The following SLF2 variants were observed in gnomAD, a reference collection of about 807,000 sequenced individuals.
SLF2 encodes the protein SMC5-SMC6 complex localization factor protein 2.
In SLF2, 68 loss-of-function variants were observed where a neutral mutation model predicts 124.3. The ratio of observed to expected loss-of-function variants is 0.55; its 90% CI spans 0.45 to 0.67. The LOEUF (loss-of-function observed/expected upper bound fraction) is 0.67, where lower values mean the gene tolerates loss of function less well. Ranked by LOEUF, SLF2 falls within the 30% of genes least tolerant of loss-of-function variation. The pLI, the probability that SLF2 is intolerant of heterozygous loss-of-function variation, is 0.00. For synonymous variants in SLF2, 480 were observed against 478.8 expected (o/e 1.00, Z -0.03); for missense variants, 1,246 against 1,373.7 (o/e 0.91, Z 1.47).
intron 17 of SLF2, among the ~76,000 whole-genome samples, chr10:100,950,979 G>A (rs1045355368): frequency 1.3e-5 from 2 of 152,172 alleles, no homozygotes; most frequent in Admixed American, 6.5e-5. Flanking sequence ...CATGGCTCAC[G>A]CCTGTAATCC....
Position 100,918,418 on chromosome 10 carries a change from C to A in SLF2, c.950C>A (p.Ser317Tyr). Reference protein sequence around the residue: ...NGHLSRKRSSSDSWEPTSAGS... With the variant: ...NGHLSRKRSSYDSWEPTSAGS... ...CATCTCTCAAGAAAAAGATCCTCTT[C>A]TGATTCATGGGAACCTACTTCAGGT... The change falls in exon 4 of 20, where the codon TCT becomes TAT. Residue 317 changes from serine (S) to tyrosine (Y), a missense_variant. By Grantham distance (144) the Ser-to-Tyr change is moderately radical. Transcript: ENST00000238961. 6.3e-7 allele frequency: 1 copy of A among 1,595,052 alleles called. No individual in the cohort carries two copies.
rs748080957 is a variant in SLF2 at position 100,924,629 on chromosome 10, G to A, written c.1628G>A (p.Gly543Glu). Residue 543 changes from glycine (G) to glutamate (E), a missense_variant, in exon 5 of 20, where the codon GGA becomes GAA. Physicochemically the swap from Gly to Glu is moderately conservative, Grantham distance 98. This residue lies in a region of SLF2 where 698 missense variants were observed against 708.9 expected (regional missense o/e 0.98). Coordinates refer to ENST00000238961, the MANE Select transcript of SLF2 (RefSeq NM_018121.4). ...GTATCTTCAGGGAAAATTTCTGGGGGACCTTTGCGCTCAGAATATGGCACT... is the reference window on the plus strand; with the variant it reads ...GTATCTTCAGGGAAAATTTCTGGGGAACCTTTGCGCTCAGAATATGGCACT... ...SNVSSGKISG[G>E]PLRSEYGTPT... The A allele has an allele frequency of 6.2e-7, 1 of 1,613,960 alleles. No homozygotes were observed.
At chr10:100,960,803 CTT>C (rs1850412377) in intron 19 of SLF2, among the ~76,000 whole-genome samples, 2 of 151,398 alleles carry the variant, frequency 1.3e-5, no homozygotes, top group Middle Eastern at 6.8e-3. Flanking sequence ...TCTAAGGAGT[CTT>C]TGCCTAAGAG....
At chr10:100,950,270 C>T (rs1589964598) in intron 16 of SLF2, 63 bp downstream of exon 16, 5 of 1,496,252 alleles carry the variant, frequency 3.3e-6, no homozygotes, top group Non-Finnish European at 4.5e-6. Context: ...GCTTACTAAC[C>T]ATAGACTGAT....
intron 19 of SLF2, among the ~76,000 whole-genome samples, chr10:100,960,669 G>A (rs1360897697): frequency 6.6e-6 from 1 of 151,930 alleles, no homozygotes; most frequent in East Asian, 1.9e-4. Context: ...TGAGTTGTAT[G>A]TTCTGGATAC....
chr10:100,930,936 T>C (rs779762286), intron 8 of SLF2, 40 bp from the exon 9 acceptor site: 6 of 1,490,362 alleles, frequency 4.0e-6, no homozygotes, highest in African/African-American at 1.4e-5. Flanking sequence ...TATTTTGCCA[T>C]GAAGTTAATA....
intron 11 of SLF2, 56 bp downstream of exon 11, chr10:100,938,792 T>C: frequency 2.1e-6 from 3 of 1,411,280 alleles, no homozygotes; most frequent in Non-Finnish European, 2.8e-6. Flanking sequence ...GACTTATATA[T>C]AATTATAGCT....
rs1372442699 is a variant in SLF2 at position 100,913,857 on chromosome 10, T to G, written c.140+607T>G. 6 of 985,370 alleles carry G rather than the reference T, an allele frequency of 6.1e-6. No individual in the cohort carries two copies. In the African/African-American group the frequency reaches 1.0e-4, roughly 17 times the overall value. 61.0% of individuals were successfully genotyped at this position (985,370 alleles called of 1,614,324 possible). On this transcript the variant is annotated intron_variant, in intron 1 of 19. Coordinates refer to ENST00000238961, the MANE Select transcript of SLF2 (RefSeq NM_018121.4). ...TGGGGAGTTTCATCTAATGACATCC[T>G]CTGACAATAAAACATGTTTAAATTC... is the stretch of plus-strand genomic sequence containing the variant.
rs927302 is a variant in SLF2 at position 100,963,159 on chromosome 10, G to C, written c.*1247G>C. ...TGAGTGCTCTAGTGTCTCCAGTTGTGGGGGGGAAAGATGATGGAGGGGAAC... is the reference window on the plus strand; with the variant it reads ...TGAGTGCTCTAGTGTCTCCAGTTGTCGGGGGGAAAGATGATGGAGGGGAAC... On this transcript the variant is annotated 3_prime_UTR_variant, in exon 20 of 20. Transcript: ENST00000238961. 40,137 of 152,312 alleles carry C rather than the reference G, an allele frequency of 0.26. 6,017 individuals are homozygous for C. The highest frequency in any genetic ancestry group is 0.55 in the East Asian group (2,816 of 5,166). The allele number at this position is 152,312 out of a possible 1,614,324, so 9.4% of individuals were successfully genotyped here.
At chr10:100,957,706 G>C (rs1277748769) in intron 18 of SLF2, among the ~76,000 whole-genome samples, 2 of 151,864 alleles carry the variant, frequency 1.3e-5, no homozygotes, top group Non-Finnish European at 2.9e-5. Context: ...CTGAGCTCTA[G>C]GGTGGAAATG....
Position 100,942,558 on chromosome 10 carries a change from G to A in SLF2, c.2655-1468G>A, listed in dbSNP as rs965225439. ...GTTTTGCCTTTGAAGTCTTGCTGTC[G>A]CCCAGGCTGGAGTGCAGTGGTGTGA... On this transcript the variant is annotated intron_variant, in intron 11 of 19. Coordinates refer to ENST00000238961, the MANE Select transcript of SLF2 (RefSeq NM_018121.4). Among the ~76,000 whole-genome samples, 12 of 151,736 alleles carry A rather than the reference G, an allele frequency of 7.9e-5. 1 individual carries two copies. Among genetic ancestry groups the A allele is most frequent in the African/African-American group, 2.2e-4 (9 of 41,276 alleles).
intron 5 of SLF2, 53 bp downstream of exon 5, chr10:100,925,025 T>G: frequency 6.6e-7 from 1 of 1,505,758 alleles, no homozygotes; most frequent in East Asian, 2.3e-5. Flanking sequence ...GATGATTAAT[T>G]AGTGAAAGGG....
chr10:100,918,423 T>G lies in SLF2; in HGVS notation c.955T>G (p.Ser319Ala), dbSNP rs532517859. ...HLSRKRSSSD[S>A]WEPTSAGSKQ... ...CTCAAGAAAAAGATCCTCTTCTGAT[T>G]CATGGGAACCTACTTCAGGTAGAAT... Residue 319 changes from serine to alanine, a missense_variant, in exon 4 of 20, where the codon TCA (serine) becomes GCA (alanine). By Grantham distance (99) the Ser-to-Ala change is moderately conservative. This residue lies in a region of SLF2 where 698 missense variants were observed against 708.9 expected (regional missense o/e 0.98). Coordinates refer to ENST00000238961, the MANE Select transcript of SLF2 (RefSeq NM_018121.4). 2 of 1,593,344 alleles carry G rather than the reference T, an allele frequency of 1.3e-6. No homozygotes were observed. The highest frequency in any genetic ancestry group is 1.7e-6 in the Non-Finnish European group (2 of 1,171,068).
chr10:100,961,938 A>T lies in SLF2; in HGVS notation c.*26A>T. On this transcript the variant is annotated 3_prime_UTR_variant, in exon 20 of 20. Coordinates refer to ENST00000238961, the MANE Select transcript of SLF2 (RefSeq NM_018121.4). ...TAGGAGTTGCAGCAGCAAAAATATGAACCAAGAGAAATTCAATAAGAGCCT... is the reference window on the plus strand; with the variant it reads ...TAGGAGTTGCAGCAGCAAAAATATGTACCAAGAGAAATTCAATAAGAGCCT... 6.3e-7 allele frequency: 1 copy of T among 1,595,552 alleles called. No individual in the cohort carries two copies. The highest frequency in any genetic ancestry group is 1.1e-5 in the South Asian group (1 of 89,036).
chr10:100,931,352 T>G lies in SLF2; in HGVS notation c.2436+274T>G, dbSNP rs554579243. Among the ~76,000 whole-genome samples, 12 of 152,330 alleles carry G rather than the reference T, an allele frequency of 7.9e-5. No homozygotes were observed. In the South Asian group the frequency reaches 2.5e-3, roughly 32 times the overall value. On this transcript the variant is annotated intron_variant, in intron 9 of 19. Coordinates refer to ENST00000238961, the MANE Select transcript of SLF2 (RefSeq NM_018121.4). ...ATTATAGTTAGTTTTAGAAGGGATC[T>G]TCTAATGCTTACATACCTAAATTTC...
chr10:100,932,716 TGTGTGCGCGC>T (rs1443514905), intron 9 of SLF2, among the ~76,000 whole-genome samples: 728 of 37,222 alleles, frequency 0.02, 2 homozygotes, highest in Non-Finnish European at 0.03. Flanking sequence ...TGTGTGTGTG[TGTGTGCGCGC>T]GCGCGCGCGC....
intron 12 of SLF2, 101 bp downstream of exon 12, chr10:100,944,229 C>G: frequency 1.5e-6 from 1 of 669,942 alleles, no homozygotes; most frequent in South Asian, 2.3e-5. Flanking sequence ...GGCGCGGTGG[C>G]TCACGCCTGT....
rs770470058 is a variant in SLF2 at position 100,956,514 on chromosome 10, G to T, written c.3394G>T (p.Ala1132Ser). ...KHVKCDIRED[A>S]RLFYRTKVKD... ...TGTTAAATGTGATATTAGGGAAGAT[G>T]CAAGACTTTTTTACAGAACTAAGGT... is the stretch of plus-strand genomic sequence containing the variant. Residue 1132 changes from alanine (A) to serine (S), a missense_variant, in exon 18 of 20, where the codon GCA (alanine) becomes TCA (serine). Ala to Ser is a moderately conservative substitution (Grantham distance 99). Around this residue, in one of 3 missense-constraint regions of SLF2, gnomAD observed 535 missense variants for 632.8 expected, o/e 0.85. Transcript: ENST00000238961. The T allele has an allele frequency of 6.2e-7, 1 of 1,612,532 alleles. No individual in the cohort carries two copies. Among genetic ancestry groups the T allele is most frequent in the Admixed American group, 1.7e-5 (1 of 59,778 alleles).
At chr10:100,949,348 T>A (rs1234621022) in intron 15 of SLF2, among the ~76,000 whole-genome samples, 2 of 152,234 alleles carry the variant, frequency 1.3e-5, no homozygotes, top group African/African-American at 4.8e-5. Flanking sequence ...AATAATTAGC[T>A]GAATAATTAC....
Sources: allele counts gnomAD v4.1 joint callset (sites outside exome capture counted in the v4.1 genomes callset), GRCh38; gene constraint gnomAD v4.1.1; regional missense constraint gnomAD v4.1.1; transcripts MANE v1.5; gene names NCBI Gene and HGNC (gene_info 2026-07-23, HGNC 2026-07-21).